The following CDH4 variants were observed in gnomAD, a reference collection of about 807,000 sequenced individuals.
The protein encoded by CDH4 is cadherin-4.
In CDH4, 33 loss-of-function variants were observed where a neutral mutation model predicts 86.0. The ratio of observed to expected loss-of-function variants is 0.38; its 90% CI spans 0.29 to 0.51. The LOEUF is 0.51. Among genes scored for constraint, CDH4 ranks in the 20% least tolerant of loss-of-function variants. The pLI, the probability that CDH4 is intolerant of heterozygous loss-of-function variation, is 0.86. For missense variants in CDH4, 1,114 were observed against 1,307.4 expected (o/e 0.85, Z 2.28); for synonymous variants, 555 against 549.4 (o/e 1.01, Z -0.14).
chr20:61,649,151 C>T (rs2087095248), intron 2 of CDH4, among the ~76,000 whole-genome samples: 1 of 152,244 alleles, frequency 6.6e-6, no homozygotes, highest in African/African-American at 2.4e-5. Context: ...CTCACCTGCA[C>T]ACGTGTGTCT....
chr20:61,790,100 T>C (rs1222476207), intron 4 of CDH4, among the ~76,000 whole-genome samples: 1 of 151,954 alleles, frequency 6.6e-6, no homozygotes. Flanking sequence ...TATCCACACT[T>C]CTACCTACCC....
At position 61,728,633 on chromosome 20, in the gene CDH4, A is replaced by G. The variant is rs949958476; in HGVS notation, c.170-14930A>G. ...GAAAATGGAAGGAACATGACCTTCC[A>G]TATAGGTTTGTGTGGGTTCTGTAAG... On this transcript the variant is annotated intron_variant, in intron 2 of 15. Coordinates refer to ENST00000614565, the MANE Select transcript of CDH4 (RefSeq NM_001794.5). 2.0e-5 allele frequency among the ~76,000 whole-genome samples: 3 copies of G among 152,156 alleles called. No individual in the cohort carries two copies. In the East Asian group the frequency reaches 5.8e-4, roughly 29 times the overall value.
chr20:61,528,930 A>G (rs747406641), intron 2 of CDH4, among the ~76,000 whole-genome samples: 24 of 151,314 alleles, frequency 1.6e-4, no homozygotes, highest in South Asian at 8.4e-4. Context: ...GATGACATTC[A>G]CTGATGTGGG....
At chr20:61,640,352 C>T (rs1455008253) in intron 2 of CDH4, among the ~76,000 whole-genome samples, 1 of 152,210 alleles carries the variant, frequency 6.6e-6, no homozygotes, top group Non-Finnish European at 1.5e-5. Flanking sequence ...CATGAGGGCC[C>T]CAGCTGCAGA....
intron 7 of CDH4, among the ~76,000 whole-genome samples, chr20:61,878,626 A>G (rs1245074980): frequency 6.6e-6 from 1 of 152,128 alleles, no homozygotes; most frequent in Non-Finnish European, 1.5e-5. Flanking sequence ...CTCCCCAGAC[A>G]TGGAGAGGTC....
chr20:61,788,942 G>A (rs1979021185), intron 4 of CDH4, among the ~76,000 whole-genome samples: 1 of 152,224 alleles, frequency 6.6e-6, no homozygotes. Context: ...TAGTGGTGCT[G>A]AAACAGTCAG....
chr20:61,743,137 C>T (rs939450829), intron 2 of CDH4, among the ~76,000 whole-genome samples: 1 of 152,210 alleles, frequency 6.6e-6, no homozygotes, highest in Non-Finnish European at 1.5e-5. Context: ...AGTGGAAAAA[C>T]AGGTCCATTA....
intron 2 of CDH4, among the ~76,000 whole-genome samples, chr20:61,475,947 G>A (rs1371911965): frequency 6.6e-6 from 1 of 151,948 alleles, no homozygotes; most frequent in South Asian, 2.1e-4. Flanking sequence ...AGCTAATGCC[G>A]GAATTAGCTT....
intron 2 of CDH4, among the ~76,000 whole-genome samples, chr20:61,531,483 AAAAAAAAAAAAAG>A (rs988290446): frequency 1.3e-5 from 2 of 151,100 alleles, no homozygotes; most frequent in East Asian, 1.9e-4. Context: ...AAAAAAAAAA[AAAAAAAAAAAAAG>A]GGATTTAGCA....
intron 2 of CDH4, among the ~76,000 whole-genome samples, chr20:61,505,399 CAT>C (rs750291888): frequency 1.3e-5 from 2 of 152,138 alleles, no homozygotes; most frequent in Non-Finnish European, 2.9e-5. Context: ...TCAATGGGAG[CAT>C]AGTGTTAAGT....
intron 2 of CDH4, among the ~76,000 whole-genome samples, chr20:61,276,841 G>T (rs2084234154): frequency 6.6e-6 from 1 of 152,142 alleles, no homozygotes; most frequent in Non-Finnish European, 1.5e-5. Context: ...TGTTATTGGG[G>T]TTTTACTTCC....
rs983519778 is a variant in CDH4, at chr20:61,684,025, A to T, written c.170-59538A>T. On this transcript the variant is annotated intron_variant, in intron 2 of 15. Coordinates refer to ENST00000614565, the MANE Select transcript of CDH4 (RefSeq NM_001794.5). The surrounding 1 kb of genome is among the most constrained non-coding windows in gnomAD (Gnocchi z 4.5). ...TCGTGTCTGGGGAGGTGGGCGTGGC[A>T]GGGACTACAGCCAGAGCTGGGTCTG... Among the ~76,000 whole-genome samples, 1 of 152,192 alleles carries T rather than the reference A, an allele frequency of 6.6e-6. No homozygotes were observed. The highest frequency in any genetic ancestry group is 1.5e-5 in the Non-Finnish European group (1 of 68,026).
intron 6 of CDH4, among the ~76,000 whole-genome samples, chr20:61,870,838 T>C (rs1044242866): frequency 6.6e-6 from 1 of 152,216 alleles, no homozygotes; most frequent in African/African-American, 2.4e-5. Context: ...TGATGAAGGC[T>C]GAACGTTAGT....
intron 2 of CDH4, among the ~76,000 whole-genome samples, chr20:61,698,390 G>A (rs1411917518): frequency 1.3e-5 from 2 of 152,280 alleles, no homozygotes; most frequent in Non-Finnish European, 2.9e-5. Flanking sequence ...GGCTGTGCCA[G>A]GCACTTGGAA....
rs550732500 is a variant in CDH4, at chr20:61,371,761, A to G, written c.169+116824A>G. On this transcript the variant is annotated intron_variant, in intron 2 of 15. Transcript: ENST00000614565. ...ACAGAGCAGCCCTGGGCTGGGCCGCATGGAAGGCGAAGGCTCGAGTCCAGA... is the reference window on the plus strand; with the variant it reads ...ACAGAGCAGCCCTGGGCTGGGCCGCGTGGAAGGCGAAGGCTCGAGTCCAGA... Among the ~76,000 whole-genome samples the G allele has an allele frequency of 2.0e-5, 3 of 152,374 alleles. No individual in the cohort carries two copies. In the East Asian group the frequency reaches 5.8e-4, roughly 29 times the overall value.
chr20:61,274,654 G>C (rs148228056), intron 2 of CDH4, among the ~76,000 whole-genome samples: 1 of 129,500 alleles, frequency 7.7e-6, no homozygotes, highest in Non-Finnish European at 1.6e-5. Context: ...CAGGAGTACC[G>C]TGTGCGGTTT....
At chr20:61,634,435 G>A (rs112133030) in intron 2 of CDH4, among the ~76,000 whole-genome samples, 322 of 152,292 alleles carry the variant, frequency 2.1e-3, no homozygotes, top group African/African-American at 7.2e-3. Context: ...ACCCCACACC[G>A]GTGACCCTGA....
chr20:61,482,490 G>T (rs185385963), intron 2 of CDH4, among the ~76,000 whole-genome samples: 3 of 152,270 alleles, frequency 2.0e-5, no homozygotes, highest in Admixed American at 1.3e-4. Flanking sequence ...GCGGAGGCCT[G>T]GACGCGCCTG....
chr20:61,908,140 C>T (rs577092018), intron 8 of CDH4, among the ~76,000 whole-genome samples: 11 of 152,164 alleles, frequency 7.2e-5, no homozygotes, highest in Non-Finnish European at 1.3e-4. Flanking sequence ...AGAGAAAGGA[C>T]GCAGTGTTTG....
Sources: gnomAD v4.1 joint callset for allele counts (sites outside exome capture counted in the v4.1 genomes callset) on GRCh38, gnomAD v4.1.1 for gene constraint, Gnocchi (gnomAD v3.1) non-coding constraint, MANE v1.5 for transcripts, NCBI Gene and HGNC (gene_info 2026-07-23, HGNC 2026-07-21) for gene names.